CD244: variants seen among roughly 807,000 people sequenced by gnomAD.
The protein encoded by CD244 is CD244 molecule.
In CD244, 20 loss-of-function variants were observed where a neutral mutation model predicts 45.5. That is an observed-to-expected ratio of 0.44 (90% CI 0.31 to 0.64). The LOEUF (loss-of-function observed/expected upper bound fraction) is 0.64. Ranked by LOEUF, CD244 falls within the 30% of genes least tolerant of loss-of-function variation. CD244 has a pLI of 0.08. For missense variants in CD244, 407 were observed against 426.9 expected, an observed-to-expected ratio of 0.95 and a Z score of 0.41; for synonymous variants, 185 against 160.5, an observed-to-expected ratio of 1.15 and a Z score of -1.15.
chr1:160,848,101 G>A, intron 1 of CD244: 1 of 403,638 alleles, frequency 2.5e-6, no homozygotes, highest in South Asian at 1.9e-5. Flanking sequence ...AAGTTCCAAA[G>A]ACAGCAGAAA....
Position 160,845,479 on chromosome 1 carries a change from A to G in CD244, c.62-3578T>C, listed in dbSNP as rs571196457. Among the ~76,000 whole-genome samples the G allele has an allele frequency of 3.7e-4, 56 of 152,356 alleles. 1 individual carries two copies. In the South Asian group the frequency reaches 0.011, roughly 30 times the overall value. On this transcript the variant is annotated intron_variant, in intron 1 of 8. Coordinates refer to ENST00000368034, the MANE Select transcript of CD244 (RefSeq NM_016382.4). ...AGGAAAGAGGAACTAAGCAAAAGAGATAAAAGATAAGAATTTCCCAAAACT... is the reference window on the plus strand; with the variant it reads ...AGGAAAGAGGAACTAAGCAAAAGAGGTAAAAGATAAGAATTTCCCAAAACT...
At chr1:160,856,969 A>G (rs1176887339) in intron 1 of CD244, among the ~76,000 whole-genome samples, 1 of 152,246 alleles carries the variant, frequency 6.6e-6, no homozygotes, top group Non-Finnish European at 1.5e-5. Context: ...AAACGTCACA[A>G]CAGCAAAATG....
chr1:160,833,682 T>A (rs1669219244), intron 7 of CD244, among the ~76,000 whole-genome samples: 1 of 152,204 alleles, frequency 6.6e-6, no homozygotes, highest in South Asian at 2.1e-4. Context: ...CAATATGCCC[T>A]GCCTTGCAAA....
intron 1 of CD244, among the ~76,000 whole-genome samples, chr1:160,846,970 G>C (rs530936845): frequency 2.0e-5 from 3 of 151,494 alleles, no homozygotes; most frequent in African/African-American, 7.3e-5. Flanking sequence ...TAACCATTGA[G>C]AAAATAACAA....
chr1:160,841,420 C>A lies in CD244; in HGVS notation c.445G>T (p.Ala149Ser). The change falls in exon 3 of 9, where the codon GCT becomes TCT. Residue 149 changes from alanine to serine, a missense_variant. Physicochemically the swap from Ala to Ser is moderately conservative, Grantham distance 99 (BLOSUM62 1). Coordinates refer to ENST00000368034, the MANE Select transcript of CD244 (RefSeq NM_016382.4). ...KILDRGRCQV[A>S]LSCLVSRDGN... is the part of the protein sequence containing the mutation. Reference sequence around the variant, plus strand: ...TCCCTGGAGACCAAGCAAGACAGAGCCACTTGGCATCTCCCTCTGTCCAGG... The same window carrying A: ...TCCCTGGAGACCAAGCAAGACAGAGACACTTGGCATCTCCCTCTGTCCAGG... 1 of 1,614,144 alleles carries A rather than the reference C, an allele frequency of 6.2e-7. No homozygotes were observed. The highest frequency in any genetic ancestry group is 1.3e-5 in the African/African-American group (1 of 75,054).
chr1:160,832,371 T>C (rs1462019425), intron 8 of CD244, 148 bp downstream of exon 8: 4 of 607,250 alleles, frequency 6.6e-6, no homozygotes. Context: ...TCTTCATCTC[T>C]AAAACAAAGA....
intron 7 of CD244, among the ~76,000 whole-genome samples, chr1:160,833,573 G>T (rs1261112658): frequency 2.0e-5 from 3 of 152,184 alleles, no homozygotes; most frequent in Non-Finnish European, 4.4e-5. Context: ...CAGTCCAGAG[G>T]CCTCCACCAG....
Position 160,841,377 on chromosome 1 carries a change from G to A in CD244, c.488C>T (p.Ala163Val). ...LVSRDGNVSYAWYRGSKLIQT... is the reference protein window; with the variant it reads ...LVSRDGNVSYVWYRGSKLIQT... ...GATCAGCTTGCTCCCTCTGTACCAA[G>A]CATAGGACACATTGCCATCCCTGGA... The change falls in exon 3 of 9, where the codon GCT (alanine) becomes GTT (valine). Residue 163 changes from alanine to valine, a missense_variant. By Grantham distance (64) the Ala-to-Val change is moderately conservative. Transcript: ENST00000368034. The A allele has an allele frequency of 6.2e-7, 1 of 1,614,186 alleles. No homozygotes were observed. Among genetic ancestry groups the A allele is most frequent in the Non-Finnish European group, 8.5e-7 (1 of 1,180,026 alleles).
intron 1 of CD244, among the ~76,000 whole-genome samples, chr1:160,844,843 C>T (rs147226111): frequency 2.0e-5 from 3 of 152,146 alleles, no homozygotes; most frequent in Admixed American, 6.5e-5. Flanking sequence ...GACATGGTGG[C>T]ACACACTTGT....
intron 1 of CD244, among the ~76,000 whole-genome samples, chr1:160,856,824 A>G (rs1233894213): frequency 6.6e-6 from 1 of 152,218 alleles, no homozygotes; most frequent in Non-Finnish European, 1.5e-5. Flanking sequence ...AAATGGTATT[A>G]CAGCAAACTA....
chr1:160,860,111 G>T (rs1480734669), intron 1 of CD244, among the ~76,000 whole-genome samples: 1 of 152,128 alleles, frequency 6.6e-6, no homozygotes, highest in Non-Finnish European at 1.5e-5. Flanking sequence ...GGAGGCTGAG[G>T]CAGGACAATC....
chr1:160,831,010 G>T lies in CD244; in HGVS notation c.*337C>A. The T allele has an allele frequency of 5.1e-6, 1 of 194,638 alleles. No individual in the cohort carries two copies. Among genetic ancestry groups the T allele is most frequent in the Non-Finnish European group, 1.1e-5 (1 of 93,742 alleles). The allele number at this position is 194,638 out of a possible 1,614,324, so 12.1% of individuals were successfully genotyped here. On this transcript the variant is annotated 3_prime_UTR_variant, in exon 9 of 9. Coordinates refer to ENST00000368034, the MANE Select transcript of CD244 (RefSeq NM_016382.4). ...AGAGAGGGGAGAAAAGGAAACAAGT[G>T]ACAGCTTGAAAATCAGGTGGAGGGA...
rs1669546850 is a variant in CD244, at chr1:160,841,663, C to T, written c.300G>A (p.Gln100=). Residue 100 remains glutamine (Q), a synonymous_variant, in exon 2 of 9, where the codon CAG becomes CAA. Coordinates refer to ENST00000368034, the MANE Select transcript of CD244 (RefSeq NM_016382.4). ...CCTCCAGGCAGTAGAGGCCACTGTC[C>T]TGCTGCTGAGCTGCCTTGATGAGAA... ...LSLLIKAAQQ[Q]DSGLYCLEVT... 2 of 1,614,218 alleles carry T rather than the reference C, an allele frequency of 1.2e-6. No homozygotes were observed. Among genetic ancestry groups the T allele is most frequent in the East Asian group, 4.5e-5 (2 of 44,886 alleles).
At chr1:160,856,418 T>C (rs144311181) in intron 1 of CD244, among the ~76,000 whole-genome samples, 2 of 152,326 alleles carry the variant, frequency 1.3e-5, no homozygotes, top group Non-Finnish European at 2.9e-5. Flanking sequence ...CCTTTCCTGT[T>C]TCCCATCCAA....
intron 1 of CD244, among the ~76,000 whole-genome samples, chr1:160,856,007 C>A (rs866029219): frequency 6.6e-6 from 1 of 152,130 alleles, no homozygotes; most frequent in East Asian, 1.9e-4. Flanking sequence ...AGAAGGAGCA[C>A]GGGAGGGTCT....
chr1:160,851,279 T>G (rs1316509143), intron 1 of CD244, among the ~76,000 whole-genome samples: 1 of 152,184 alleles, frequency 6.6e-6, no homozygotes, highest in Non-Finnish European at 1.5e-5. Flanking sequence ...GTCTTTCTGG[T>G]GACCGGCCCC....
At chr1:160,842,508 T>G (rs1377695054) in intron 1 of CD244, among the ~76,000 whole-genome samples, 1 of 152,112 alleles carries the variant, frequency 6.6e-6, no homozygotes, top group Admixed American at 6.5e-5. Flanking sequence ...CTCCAAGCAG[T>G]GCTGAGGCAA....
intron 1 of CD244, among the ~76,000 whole-genome samples, chr1:160,848,849 C>T (rs895936164): frequency 6.6e-6 from 1 of 152,220 alleles, no homozygotes; most frequent in African/African-American, 2.4e-5. Flanking sequence ...CATCTGTATC[C>T]TTTGTAATAT....
In CD244 at chr1:160,834,043, A is replaced by T; in HGVS notation, c.960+8T>A. On this transcript the variant is annotated splice_region_variant and intron_variant, in intron 7 of 8. Transcript: ENST00000368034. Reference sequence around the variant, plus strand: ...AACACCCCACCACCACCACGGGAAGAGGCTCACCTTCCTGGAAGGCTGAAT... The same window carrying T: ...AACACCCCACCACCACCACGGGAAGTGGCTCACCTTCCTGGAAGGCTGAAT... The T allele has an allele frequency of 6.2e-7, 1 of 1,603,014 alleles. No individual in the cohort carries two copies. Among genetic ancestry groups the T allele is most frequent in the Non-Finnish European group, 8.5e-7 (1 of 1,169,864 alleles).
Sources: gnomAD v4.1 joint callset for allele counts (sites outside exome capture counted in the v4.1 genomes callset) on GRCh38, gnomAD v4.1.1 for gene constraint, MANE v1.5 for transcripts, NCBI Gene and HGNC (gene_info 2026-07-23, HGNC 2026-07-21) for gene names.